Variants in GOLGA5 observed in about 807,000 individuals in gnomAD.
GOLGA5 encodes golgin subfamily A member 5.
Under a neutral mutation model 93.5 loss-of-function variants are expected in GOLGA5, and 50 were observed. The ratio of observed to expected loss-of-function variants is 0.53; its 90% CI spans 0.43 to 0.68. The LOEUF is 0.68. Ranked by LOEUF, GOLGA5 falls within the 30% of genes least tolerant of loss-of-function variation. The pLI is 0.00. For synonymous variants in GOLGA5, 312 were observed against 304.5 expected, an observed-to-expected ratio of 1.02 and a Z score of -0.26; for missense variants, 760 against 856.4, an observed-to-expected ratio of 0.89 and a Z score of 1.40.
intron 10 of GOLGA5, among the ~76,000 whole-genome samples, chr14:92,834,538 AAG>A (rs1397437164): frequency 6.6e-6 from 1 of 152,196 alleles, no homozygotes; most frequent in East Asian, 1.9e-4. Context: ...TCCAGGCAGA[AAG>A]AAGAGCAGGC....
intron 8 of GOLGA5, among the ~76,000 whole-genome samples, chr14:92,822,491 C>G (rs1036472175): frequency 6.6e-6 from 1 of 152,172 alleles, no homozygotes; most frequent in Non-Finnish European, 1.5e-5. Flanking sequence ...TCTGAGTGAT[C>G]CATTGTACAA....
intron 6 of GOLGA5, among the ~76,000 whole-genome samples, chr14:92,814,180 A>G (rs1566956021): frequency 6.6e-6 from 1 of 152,276 alleles, no homozygotes; most frequent in East Asian, 1.9e-4. Flanking sequence ...TGTGTAACCT[A>G]ACGGGGAGAA....
At chr14:92,825,117 T>G (rs1290512027) in intron 9 of GOLGA5, among the ~76,000 whole-genome samples, 1 of 152,206 alleles carries the variant, frequency 6.6e-6, no homozygotes, top group East Asian at 1.9e-4. Flanking sequence ...GCCTTTATCA[T>G]TAGCTGATAG....
intron 8 of GOLGA5, 85 bp from the exon 9 acceptor site, chr14:92,824,461 C>T: frequency 1.5e-6 from 1 of 687,484 alleles, no homozygotes; most frequent in Non-Finnish European, 2.6e-6. Context: ...GATTGTCTAC[C>T]ATGTGCCAGG....
intron 9 of GOLGA5, among the ~76,000 whole-genome samples, chr14:92,832,675 A>C (rs7145982): frequency 6.6e-6 from 1 of 152,102 alleles, no homozygotes; most frequent in African/African-American, 2.4e-5. Flanking sequence ...TGATCTTTGC[A>C]CTGCACCGTA....
intron 10 of GOLGA5, among the ~76,000 whole-genome samples, chr14:92,834,995 A>G (rs6575295): frequency 0.82 from 124,085 of 152,194 alleles, 51,259 homozygotes; most frequent in African/African-American, 0.94. Flanking sequence ...TGAGAGAAAG[A>G]AGTCAAGAGT....
chr14:92,824,452 A>AT, intron 8 of GOLGA5, 94 bp from the exon 9 acceptor site: 1 of 670,334 alleles, frequency 1.5e-6, no homozygotes, highest in South Asian at 1.8e-5. Flanking sequence ...GCACATACTG[A>AT]TTGTCTACCA....
chr14:92,829,273 C>T (rs1186776953), intron 9 of GOLGA5, among the ~76,000 whole-genome samples: 1 of 152,066 alleles, frequency 6.6e-6, no homozygotes, highest in African/African-American at 2.4e-5. Context: ...AGTCTTATCA[C>T]TTAAGACATA....
Position 92,797,564 on chromosome 14 carries a change from A to C in GOLGA5, c.127A>C (p.Thr43Pro). 6.2e-7 allele frequency: 1 copy of C among 1,613,500 alleles called. No homozygotes were observed. The highest frequency in any genetic ancestry group is 8.5e-7 in the Non-Finnish European group (1 of 1,179,418). ...CATATATAGCAAAAATACTGACTAT[A>C]CTGAACTTCACCAGCAAAATACAGA... ...SNIYSKNTDY[T>P]ELHQQNTDLI... is the part of the protein sequence containing the mutation. The change falls in exon 2 of 13, where the codon ACT becomes CCT. Residue 43 changes from threonine to proline, a missense_variant. Thr to Pro is a conservative substitution (Grantham distance 38). Transcript: ENST00000163416.
intron 2 of GOLGA5, among the ~76,000 whole-genome samples, chr14:92,803,788 C>G (rs1291064816): frequency 6.6e-6 from 1 of 152,184 alleles, no homozygotes; most frequent in Non-Finnish European, 1.5e-5. Context: ...ATATCAGTAT[C>G]TGGCATATAT....
intron 2 of GOLGA5, among the ~76,000 whole-genome samples, chr14:92,805,421 T>C (rs1210170960): frequency 6.6e-6 from 1 of 152,242 alleles, no homozygotes; most frequent in African/African-American, 2.4e-5. Context: ...TTTCCAGTTT[T>C]GGATTATTGT....
At position 92,807,565 on chromosome 14, in the gene GOLGA5, T is replaced by C. The variant is rs536261057; in HGVS notation, c.772+602T>C. On this transcript the variant is annotated intron_variant, in intron 3 of 12. Coordinates refer to ENST00000163416, the MANE Select transcript of GOLGA5 (RefSeq NM_005113.4). ...CTAGTAGTAGTCTAGTTCATTCATT[T>C]ATTCTGAACTTTCAAGGGAAGCTGT... Among the ~76,000 whole-genome samples the C allele has an allele frequency of 1.1e-4, 16 of 152,316 alleles. No individual in the cohort carries two copies. In the East Asian group the frequency reaches 1.9e-3, roughly 18 times the overall value.
chr14:92,806,733 C>A lies in GOLGA5; in HGVS notation c.545-3C>A, dbSNP rs368422059. 1.3e-6 allele frequency: 2 copies of A among 1,598,816 alleles called. No homozygotes were observed. Among genetic ancestry groups the A allele is most frequent in the South Asian group, 1.1e-5 (1 of 90,758 alleles). ...TAACAAAAACGTATTCTTTTTTTTA[C>A]AGAAGCTGCCAGTAACTCAGATTCT... On this transcript the variant is annotated splice_polypyrimidine_tract_variant and splice_region_variant and intron_variant, in intron 2 of 12. Transcript: ENST00000163416.
chr14:92,815,504 T>A (rs1885183465), intron 6 of GOLGA5, among the ~76,000 whole-genome samples: 1 of 152,062 alleles, frequency 6.6e-6, no homozygotes, highest in East Asian at 1.9e-4. Context: ...TTGGGTAGAA[T>A]GTGTTGGAAA....
Position 92,824,622 on chromosome 14 carries a change from A to C in GOLGA5, c.1697A>C (p.Glu566Ala), listed in dbSNP as rs776361285. Reference sequence around the variant, plus strand: ...AGCAGAATTAAAGATCGAGACGAAGAAATTCAAAAACTCAGGAATCAGGTA... The same window carrying C: ...AGCAGAATTAAAGATCGAGACGAAGCAATTCAAAAACTCAGGAATCAGGTA... ...LQSRIKDRDE[E>A]IQKLRNQLTN... The change falls in exon 9 of 13, where the codon GAA (glutamate) becomes GCA (alanine). Residue 566 changes from glutamate to alanine, a missense_variant. Transcript: ENST00000163416. 3 of 1,591,556 alleles carry C rather than the reference A, an allele frequency of 1.9e-6. No individual in the cohort carries two copies. The highest frequency in any genetic ancestry group is 2.6e-6 in the Non-Finnish European group (3 of 1,161,642).
At chr14:92,800,692 C>A (rs1247847413) in intron 2 of GOLGA5, among the ~76,000 whole-genome samples, 2 of 152,166 alleles carry the variant, frequency 1.3e-5, no homozygotes, top group Admixed American at 6.5e-5. Context: ...GCCAGGGCAT[C>A]TGATTTTGTT....
intron 10 of GOLGA5, 134 bp downstream of exon 10, chr14:92,833,481 G>C (rs539994382): frequency 1.5e-6 from 1 of 645,488 alleles, no homozygotes; most frequent in Non-Finnish European, 2.8e-6. Context: ...CCTGGGCCAC[G>C]TACTGTTTAG....
At chr14:92,829,750 T>G (rs904704474) in intron 9 of GOLGA5, among the ~76,000 whole-genome samples, 25 of 152,222 alleles carry the variant, frequency 1.6e-4, no homozygotes, top group African/African-American at 5.8e-4. Context: ...GGCAGGGTGT[T>G]AAAGGATTGA....
chr14:92,815,002 T>A (rs1366070238), intron 6 of GOLGA5, among the ~76,000 whole-genome samples: 1 of 152,210 alleles, frequency 6.6e-6, no homozygotes, highest in African/African-American at 2.4e-5. Context: ...GGACCATCAT[T>A]TGTGAGCACC....
Sources: allele counts gnomAD v4.1 joint callset (sites outside exome capture counted in the v4.1 genomes callset), GRCh38; gene constraint gnomAD v4.1.1; transcripts MANE v1.5; gene names NCBI Gene and HGNC (gene_info 2026-07-23, HGNC 2026-07-21).